The following PTK2B variants were observed in gnomAD, a reference collection of about 807,000 sequenced individuals.
PTK2B encodes protein-tyrosine kinase 2-beta.
In PTK2B, 71 loss-of-function variants were observed where a neutral mutation model predicts 142.9. The ratio of observed to expected loss-of-function variants is 0.50; its 90% CI spans 0.41 to 0.61. The LOEUF (loss-of-function observed/expected upper bound fraction) is 0.61, where lower values mean the gene tolerates loss of function less well. PTK2B is among the 20% of genes least tolerant of loss of function. The pLI is 0.00. For missense variants in PTK2B, 1,105 were observed against 1,320.4 expected, an observed-to-expected ratio of 0.84 and a Z score of 2.53; for synonymous variants, 519 against 503.4, an observed-to-expected ratio of 1.03 and a Z score of -0.42.
At chr8:27,350,561 C>T (rs1050074935) in intron 1 of PTK2B, among the ~76,000 whole-genome samples, 1 of 134,078 alleles carries the variant, frequency 7.5e-6, no homozygotes, top group Non-Finnish European at 1.8e-5. Context: ...GACTTCAGGG[C>T]AAAGATCAGT....
intron 5 of PTK2B, among the ~76,000 whole-genome samples, chr8:27,423,033 G>T (rs1236734085): frequency 1.3e-5 from 2 of 152,166 alleles, no homozygotes; most frequent in African/African-American, 4.8e-5. Flanking sequence ...TACACTCCAG[G>T]CTCAGGGATC....
upstream of PTK2B, among the ~76,000 whole-genome samples, chr8:27,320,679 T>C (rs900809422): frequency 6.6e-6 from 1 of 152,176 alleles, no homozygotes; most frequent in Admixed American, 6.5e-5. Flanking sequence ...GGAAGGGGCA[T>C]GGAGCTTCAT....
At chr8:27,330,568 A>G (rs1803684228) in intron 1 of PTK2B, among the ~76,000 whole-genome samples, 1 of 152,170 alleles carries the variant, frequency 6.6e-6, no homozygotes, top group Non-Finnish European at 1.5e-5. Flanking sequence ...GTAGGAGAAA[A>G]TGGTGGCTTC....
chr8:27,414,366 T>A (rs1443213328), intron 2 of PTK2B, among the ~76,000 whole-genome samples: 1 of 152,116 alleles, frequency 6.6e-6, no homozygotes, highest in Non-Finnish European at 1.5e-5. Flanking sequence ...TGCCTCAGCC[T>A]CCCAAGTAGC....
At chr8:27,452,919 C>A in intron 27 of PTK2B, 195 bp from the exon 28 acceptor site, 1 of 625,778 alleles carries the variant, frequency 1.6e-6, no homozygotes. Context: ...AAAGGGACAA[C>A]AGTGCTGTCC....
chr8:27,424,563 G>C (rs1187612681), intron 5 of PTK2B, among the ~76,000 whole-genome samples: 1 of 152,196 alleles, frequency 6.6e-6, no homozygotes, highest in Non-Finnish European at 1.5e-5. Context: ...ATGATATCAG[G>C]GAGAGGATAT....
intron 1 of PTK2B, among the ~76,000 whole-genome samples, chr8:27,365,181 C>A (rs986243449): frequency 6.6e-6 from 1 of 152,216 alleles, no homozygotes; most frequent in Non-Finnish European, 1.5e-5. Context: ...AATTTCATGT[C>A]CCCTTCGCTT....
chr8:27,447,228 G>A (rs1288974080), intron 24 of PTK2B, among the ~76,000 whole-genome samples: 2 of 152,150 alleles, frequency 1.3e-5, no homozygotes, highest in East Asian at 1.9e-4. Flanking sequence ...GGCTTTAGAA[G>A]TAATTGACAT....
At chr8:27,422,582 C>T (rs1037375044) in intron 5 of PTK2B, among the ~76,000 whole-genome samples, 199 bp downstream of exon 5, 1 of 152,146 alleles carries the variant, frequency 6.6e-6, no homozygotes, top group Non-Finnish European at 1.5e-5. Flanking sequence ...GGGCCAGCCC[C>T]CTCCCTAGTC....
intron 3 of PTK2B, among the ~76,000 whole-genome samples, chr8:27,320,285 C>T (rs1020620749): frequency 3.3e-5 from 5 of 152,150 alleles, no homozygotes; most frequent in Non-Finnish European, 1.5e-5. Flanking sequence ...GAGACAAGGA[C>T]CCCGTCTTTA....
chr8:27,332,908 C>A (rs138647645), intron 1 of PTK2B, among the ~76,000 whole-genome samples: 1 of 152,292 alleles, frequency 6.6e-6, no homozygotes, highest in East Asian at 1.9e-4. Context: ...TCTGTCCTCA[C>A]AAAGTTTATA....
chr8:27,331,950 C>T (rs757532084), intron 1 of PTK2B, among the ~76,000 whole-genome samples: 2 of 152,234 alleles, frequency 1.3e-5, no homozygotes, highest in Non-Finnish European at 2.9e-5. Flanking sequence ...CCCCAGGTCC[C>T]ACCCCAGGTA....
At chr8:27,431,996 T>TG (rs1265924347) in intron 9 of PTK2B, 2 of 381,128 alleles carry the variant, frequency 5.2e-6, no homozygotes, top group East Asian at 8.2e-5. Flanking sequence ...TTTGTGCGAT[T>TG]TTTTTTTTTA....
At chr8:27,326,569 G>A (rs916715393) in intron 1 of PTK2B, among the ~76,000 whole-genome samples, 1 of 152,192 alleles carries the variant, frequency 6.6e-6, no homozygotes, top group African/African-American at 2.4e-5. Context: ...GGAGGAACTC[G>A]GAAGCTGCGC....
At chr8:27,311,236 G>A (rs756588144), upstream of PTK2B, 2 of 1,524,880 alleles carry the variant, frequency 1.3e-6, no homozygotes, top group Non-Finnish European at 8.8e-7. Context: ...TCCGCTCCAT[G>A]GCACGAGCAG....
intron 24 of PTK2B, among the ~76,000 whole-genome samples, chr8:27,449,120 T>A (rs1352445109): frequency 1.3e-5 from 2 of 152,210 alleles, no homozygotes; most frequent in African/African-American, 4.8e-5. Flanking sequence ...AAATAAGGAC[T>A]TGTCTGGCTC....
chr8:27,418,607 C>T (rs1319507860), intron 2 of PTK2B, among the ~76,000 whole-genome samples: 1 of 152,208 alleles, frequency 6.6e-6, no homozygotes, highest in Non-Finnish European at 1.5e-5. Flanking sequence ...ACATTGCAGA[C>T]ATATCCAACA....
intron 1 of PTK2B, among the ~76,000 whole-genome samples, chr8:27,362,807 T>C (rs1455621018): frequency 6.6e-6 from 1 of 152,188 alleles, no homozygotes; most frequent in Non-Finnish European, 1.5e-5. Flanking sequence ...AATCTAGAAC[T>C]TCTCCCACAC....
chr8:27,443,255 G>A lies in PTK2B; in HGVS notation c.2148+272G>A, dbSNP rs373516050. On this transcript the variant is annotated intron_variant, in intron 22 of 30. Transcript: ENST00000346049. The stretch of plus-strand genomic sequence containing the variant: ...GGCTTCTCTTCTAGGTGTTTTCTTA[G>A]GAACAAATGAGATCCCCCTGAGGAC... 5.9e-5 allele frequency among the ~76,000 whole-genome samples: 9 copies of A among 152,194 alleles called. No individual in the cohort carries two copies. In the East Asian group the frequency reaches 1.7e-3, roughly 29 times the overall value.
Sources: gnomAD v4.1 joint callset for allele counts (sites outside exome capture counted in the v4.1 genomes callset) on GRCh38, gnomAD v4.1.1 for gene constraint, MANE v1.5 for transcripts, NCBI Gene and HGNC (gene_info 2026-07-23, HGNC 2026-07-21) for gene names.